Variants in CENPK observed in about 807,000 individuals in gnomAD.
CENPK encodes the protein SoxLZ/Sox6-binding protein Solt.
CENPK carries 46 observed loss-of-function variants against 40.9 expected under a neutral mutation model. The ratio of observed to expected loss-of-function variants is 1.13; its 90% CI spans 0.89 to 1.44. The LOEUF is 1.44. CENPK is among the 40% of genes most tolerant of loss of function. The pLI is 0.00. For missense variants in CENPK, 288 were observed against 303.5 expected (o/e 0.95, Z 0.38); for synonymous variants, 107 against 104.4 (o/e 1.02, Z -0.15).
chr5:65,498,171 C>A, the CENPK span, among the ~76,000 whole-genome samples: 2 of 151,932 alleles, frequency 1.3e-5, no homozygotes, highest in Non-Finnish European at 2.9e-5. Flanking sequence ...AAATAATTTA[C>A]TTTTAAAATA....
chr5:65,535,343 C>T (rs540413756), intron 6 of CENPK, among the ~76,000 whole-genome samples: 1 of 152,166 alleles, frequency 6.6e-6, no homozygotes, highest in Admixed American at 6.5e-5. Context: ...GTCTTCAGAA[C>T]TGCCCTTGGT....
the CENPK span, among the ~76,000 whole-genome samples, chr5:65,499,914 C>A: frequency 2.0e-5 from 2 of 99,676 alleles, no homozygotes; most frequent in South Asian, 3.5e-4. Flanking sequence ...TGAGAATATG[C>A]GGTGTTTGGT....
At chr5:65,523,644 A>C (rs1232224483) in intron 9 of CENPK, among the ~76,000 whole-genome samples, 1 of 152,220 alleles carries the variant, frequency 6.6e-6, no homozygotes, top group Middle Eastern at 3.2e-3. Flanking sequence ...ATACAGGTTA[A>C]ATTATAAAGA....
downstream of CENPK, among the ~76,000 whole-genome samples, chr5:65,513,183 A>AT (rs1422947871): frequency 8.5e-5 from 13 of 152,094 alleles, no homozygotes; most frequent in Non-Finnish European, 1.6e-4. Context: ...AGTCCAACTA[A>AT]TTTTTTTCTT....
intron 5 of CENPK, among the ~76,000 whole-genome samples, chr5:65,545,324 G>GCACACA (rs869192025): frequency 2.8e-4 from 18 of 64,372 alleles, no homozygotes; most frequent in East Asian, 2.5e-3. Context: ...CTCAAAGCGC[G>GCACACA]CACACACACA....
chr5:65,508,571 G>A, the CENPK span, among the ~76,000 whole-genome samples: 4 of 152,202 alleles, frequency 2.6e-5, no homozygotes, highest in Admixed American at 1.3e-4. Context: ...GATCACCTGA[G>A]GTCAGGAGTT....
At chr5:65,556,309 T>TA (rs1214895057) in intron 2 of CENPK, among the ~76,000 whole-genome samples, 1 of 151,910 alleles carries the variant, frequency 6.6e-6, no homozygotes, top group Non-Finnish European at 1.5e-5. Context: ...CCTATCTCTA[T>TA]AAAAAAATTT....
rs371794512 is a variant in CENPK, at chr5:65,524,444, G to A, written c.598-2916C>T. 2.4e-3 allele frequency among the ~76,000 whole-genome samples: 352 copies of A among 145,034 alleles called. 2 individuals are homozygous for A. The highest frequency in any genetic ancestry group is 8.7e-3 in the African/African-American group (339 of 39,180). On this transcript the variant is annotated intron_variant, in intron 9 of 10. Coordinates refer to ENST00000396679, the MANE Select transcript of CENPK (RefSeq NM_022145.5). ...GTCGGGCGGATCATAAGGTCAGGAG[G>A]TCGAGACCATCCTGGCTAACACAGT...
intron 6 of CENPK, among the ~76,000 whole-genome samples, chr5:65,534,577 C>T (rs1265656392): frequency 6.6e-6 from 1 of 152,048 alleles, no homozygotes; most frequent in Non-Finnish European, 1.5e-5. Context: ...GAAATAGATA[C>T]ACATATACAT....
downstream of CENPK, among the ~76,000 whole-genome samples, chr5:65,515,097 T>C (rs1456864648): frequency 1.3e-5 from 2 of 152,122 alleles, no homozygotes; most frequent in East Asian, 3.8e-4. Flanking sequence ...TTTTTCTAAT[T>C]TCCTAAAGTA....
At chr5:65,527,088 C>T (rs1744839777) in intron 9 of CENPK, among the ~76,000 whole-genome samples, 1 of 151,860 alleles carries the variant, frequency 6.6e-6, no homozygotes, top group Non-Finnish European at 1.5e-5. Context: ...CAGAGCAAAA[C>T]TCGGTCCCCA....
At chr5:65,508,904 T>C in the CENPK span, among the ~76,000 whole-genome samples, 173 of 151,932 alleles carry the variant, frequency 1.1e-3, 1 homozygote, top group African/African-American at 4.1e-3. Flanking sequence ...AAAGAAACCA[T>C]TAATAAATAC....
chr5:65,539,245 A>T (rs1747516953), intron 6 of CENPK, among the ~76,000 whole-genome samples: 1 of 152,198 alleles, frequency 6.6e-6, no homozygotes. Flanking sequence ...TAGCCACAAA[A>T]GTCTTAACTT....
the CENPK span, among the ~76,000 whole-genome samples, chr5:65,503,929 T>C: frequency 6.6e-6 from 1 of 151,770 alleles, no homozygotes; most frequent in Non-Finnish European, 1.5e-5. Context: ...GTGCTGGGAT[T>C]ACAGGCGTGA....
intron 10 of CENPK, 60 bp from the exon 11 acceptor site, chr5:65,518,693 G>C: frequency 1.8e-6 from 2 of 1,140,098 alleles, no homozygotes; most frequent in Non-Finnish European, 2.5e-6. Context: ...ATAGCTATAA[G>C]AAAGTTTTTT....
chr5:65,504,471 A>C, the CENPK span, among the ~76,000 whole-genome samples: 1 of 151,508 alleles, frequency 6.6e-6, no homozygotes, highest in African/African-American at 2.4e-5. Flanking sequence ...AAAAAAAAAA[A>C]AAAAAACCCA....
rs978471352 is a variant in CENPK at position 65,518,640 on chromosome 5, G to C, written c.652-7C>G. On this transcript the variant is annotated splice_region_variant and splice_polypyrimidine_tract_variant and intron_variant, in intron 10 of 10. Coordinates refer to ENST00000396679, the MANE Select transcript of CENPK (RefSeq NM_022145.5). Reference sequence around the variant, plus strand: ...ATAATCTATTTATAAGAATCTAGGAGAAAATATCATTCAAAATATACTTTA... The same window carrying C: ...ATAATCTATTTATAAGAATCTAGGACAAAATATCATTCAAAATATACTTTA... The C allele has an allele frequency of 2.0e-6, 3 of 1,529,868 alleles. No individual in the cohort carries two copies. The highest frequency in any genetic ancestry group is 2.7e-6 in the Non-Finnish European group (3 of 1,120,440). 94.8% of individuals were successfully genotyped at this position (1,529,868 alleles called of 1,614,324 possible). A position where few individuals can be genotyped will look rare whatever the true frequency, so the allele number is the denominator to read the frequency against.
chr5:65,545,515 C>A (rs1748775032), intron 5 of CENPK, among the ~76,000 whole-genome samples: 2 of 152,116 alleles, frequency 1.3e-5, no homozygotes, highest in Admixed American at 1.3e-4. Context: ...TGAAAATATC[C>A]TTCAGGAATG....
the CENPK span, among the ~76,000 whole-genome samples, chr5:65,496,761 A>G: frequency 1.3e-5 from 2 of 152,084 alleles, no homozygotes. Flanking sequence ...TTTTTACTAT[A>G]AAAATAAAAA....
Sources: allele counts gnomAD v4.1 joint callset (sites outside exome capture counted in the v4.1 genomes callset), GRCh38; gene constraint gnomAD v4.1.1; transcripts MANE v1.5; gene names NCBI Gene and HGNC (gene_info 2026-07-23, HGNC 2026-07-21).